GRAMD1C: variants seen among roughly 807,000 people sequenced by gnomAD.
GRAMD1C encodes GRAM domain containing 1C.
A neutral mutation model predicts 97.8 loss-of-function variants in GRAMD1C; 89 were observed. The ratio of observed to expected loss-of-function variants is 0.91; its 90% CI spans 0.77 to 1.09. The LOEUF (loss-of-function observed/expected upper bound fraction) is 1.09, where lower values mean the gene tolerates loss of function less well. GRAMD1C is among the 50% of genes least tolerant of loss of function. GRAMD1C has a pLI of 0.00. For missense variants in GRAMD1C, 740 were observed against 766.4 expected, an observed-to-expected ratio of 0.97 and a Z score of 0.41; for synonymous variants, 256 against 267.0, an observed-to-expected ratio of 0.96 and a Z score of 0.40.
chr3:113,892,349 GTA>G (rs1286699100), intron 6 of GRAMD1C, among the ~76,000 whole-genome samples: 1 of 151,984 alleles, frequency 6.6e-6, no homozygotes, highest in African/African-American at 2.4e-5. Flanking sequence ...GCAGGCACTT[GTA>G]GTCCCAGCTA....
intron 3 of GRAMD1C, among the ~76,000 whole-genome samples, chr3:113,871,014 CACACACACAG>C (rs200064849): frequency 0.27 from 34,140 of 127,930 alleles, 4,986 homozygotes; most frequent in Admixed American, 0.36. Context: ...CACACACACA[CACACACACAG>C]AGGAATATTA....
At chr3:113,829,666 C>G (rs931386935) in intron 1 of GRAMD1C, among the ~76,000 whole-genome samples, 9 of 152,080 alleles carry the variant, frequency 5.9e-5, no homozygotes, top group Non-Finnish European at 1.3e-4. Context: ...ATTTATTATT[C>G]TCTCTTGGCA....
intron 1 of GRAMD1C, among the ~76,000 whole-genome samples, chr3:113,839,910 G>A (rs1467358705): frequency 6.6e-6 from 1 of 152,158 alleles, no homozygotes; most frequent in East Asian, 1.9e-4. Context: ...AAGCCAGAAT[G>A]GACCCCCATC....
intron 14 of GRAMD1C, 36 bp from the exon 15 acceptor site, chr3:113,938,050 C>G: frequency 9.6e-7 from 1 of 1,040,512 alleles, no homozygotes; most frequent in Non-Finnish European, 1.4e-6. Context: ...AATCACAATT[C>G]TCATTCTAAT....
chr3:113,851,971 C>T (rs543744286), intron 2 of GRAMD1C, among the ~76,000 whole-genome samples: 19 of 151,912 alleles, frequency 1.3e-4, no homozygotes, highest in African/African-American at 3.9e-4. Flanking sequence ...TGGGCTCAAG[C>T]GATTCTCGTG....
rs1334318005 is a variant in GRAMD1C at position 113,945,620 on chromosome 3, G to A, written c.*142G>A. 1 of 566,934 alleles carries A rather than the reference G, an allele frequency of 1.8e-6. No individual in the cohort carries two copies. The highest frequency in any genetic ancestry group is 3.1e-6 in the Non-Finnish European group (1 of 317,576). 35.1% of individuals were successfully genotyped at this position (566,934 alleles called of 1,614,324 possible). ...ATTTCTAATATGAACATTTCTTTCA[G>A]TAACATTTATTTGATAATTAGTTTC... On this transcript the variant is annotated 3_prime_UTR_variant, in exon 18 of 18. Coordinates refer to ENST00000358160, the MANE Select transcript of GRAMD1C (RefSeq NM_017577.5).
chr3:113,889,154 C>T (rs556050093), intron 6 of GRAMD1C, among the ~76,000 whole-genome samples: 151 of 152,044 alleles, frequency 9.9e-4, no homozygotes, highest in African/African-American at 3.2e-3. Flanking sequence ...GAGCCGAAAT[C>T]GCGCTATTGC....
chr3:113,877,321 C>T (rs1467239047), intron 5 of GRAMD1C, among the ~76,000 whole-genome samples: 3 of 152,332 alleles, frequency 2.0e-5, no homozygotes, highest in South Asian at 2.1e-4. Context: ...TATAATTCAA[C>T]ATCGAAAAAT....
At chr3:113,906,205 C>G (rs1254718813) in intron 8 of GRAMD1C, among the ~76,000 whole-genome samples, 1 of 152,138 alleles carries the variant, frequency 6.6e-6, no homozygotes, top group Admixed American at 6.5e-5. Context: ...TTAGAGTACA[C>G]TCTTTCTACT....
chr3:113,889,299 T>C (rs1043395429), intron 6 of GRAMD1C, among the ~76,000 whole-genome samples: 2 of 152,178 alleles, frequency 1.3e-5, no homozygotes, highest in Non-Finnish European at 2.9e-5. Context: ...GAAAACATAA[T>C]GCTAAGTGAA....
Position 113,838,896 on chromosome 3 carries a change from C to G in GRAMD1C, c.-14C>G. On this transcript the variant is annotated 5_prime_UTR_variant, in exon 1 of 18. Coordinates refer to ENST00000358160, the MANE Select transcript of GRAMD1C (RefSeq NM_017577.5). ...TGCGCGCGGGGCGGTGCCGCGGCGG[C>G]GGAGGGAGCCGCGATGGAGGGCGCT... 1 of 1,231,892 alleles carries G rather than the reference C, an allele frequency of 8.1e-7. No individual in the cohort carries two copies. Among genetic ancestry groups the G allele is most frequent in the East Asian group, 3.2e-5 (1 of 31,518 alleles). The allele number at this position is 1,231,892 out of a possible 1,614,324, so 76.3% of individuals were successfully genotyped here. A position where few individuals can be genotyped will look rare whatever the true frequency, so the allele number is the denominator to read the frequency against.
chr3:113,866,807 A>G (rs1235642412), intron 2 of GRAMD1C, among the ~76,000 whole-genome samples: 2 of 151,380 alleles, frequency 1.3e-5, no homozygotes, highest in Non-Finnish European at 2.9e-5. Context: ...ATACAGTGTT[A>G]TGATTACTGC....
chr3:113,879,154 G>C (rs1210986263), intron 5 of GRAMD1C, among the ~76,000 whole-genome samples: 3 of 151,662 alleles, frequency 2.0e-5, no homozygotes, highest in Non-Finnish European at 4.4e-5. Flanking sequence ...GCAGTGAGTC[G>C]AGACCGCGCC....
At chr3:113,880,342 T>TATATGTATAC (rs1344957069) in intron 5 of GRAMD1C, among the ~76,000 whole-genome samples, 1 of 152,180 alleles carries the variant, frequency 6.6e-6, no homozygotes, top group Admixed American at 6.5e-5. Flanking sequence ...CAGGCATGCA[T>TATATGTATAC]ATATAAATGT....
chr3:113,840,320 G>A (rs1331967347), intron 1 of GRAMD1C, among the ~76,000 whole-genome samples: 1 of 152,090 alleles, frequency 6.6e-6, no homozygotes, highest in East Asian at 1.9e-4. Flanking sequence ...GAGCAAGGCA[G>A]GCCTCTCAAG....
At chr3:113,939,819 A>G (rs1348677248) in intron 15 of GRAMD1C, 67 bp from the exon 16 acceptor site, 1 of 808,520 alleles carries the variant, frequency 1.2e-6, no homozygotes, top group Non-Finnish European at 2.2e-6. Flanking sequence ...TTTTGCATGT[A>G]TATTCTGCAT....
In GRAMD1C at chr3:113,945,721, ATATAT is replaced by A. The variant is rs1380601833; in HGVS notation, c.*248_*252del. The A allele has an allele frequency of 9.2e-6, 4 of 436,072 alleles. No individual in the cohort carries two copies. Among genetic ancestry groups the A allele is most frequent in the African/African-American group, 8.2e-5 (4 of 48,600 alleles). The allele number at this position is 436,072 out of a possible 1,614,324, so 27.0% of individuals were successfully genotyped here. On this transcript the variant is annotated 3_prime_UTR_variant, in exon 18 of 18. Coordinates refer to ENST00000358160, the MANE Select transcript of GRAMD1C (RefSeq NM_017577.5). ...GTGAATTTCTTCAGTGAACCATGAA[ATATAT>A]TATAGAACTGAATTTCTCTGATACA...
intron 1 of GRAMD1C, among the ~76,000 whole-genome samples, chr3:113,842,501 G>A (rs1933374918): frequency 1.3e-5 from 2 of 151,996 alleles, no homozygotes; most frequent in Non-Finnish European, 2.9e-5. Flanking sequence ...TTCTATCCAG[G>A]TTTGTTGGTT....
chr3:113,832,098 G>A (rs1709566743), intron 1 of GRAMD1C, among the ~76,000 whole-genome samples: 1 of 151,814 alleles, frequency 6.6e-6, no homozygotes, highest in Non-Finnish European at 1.5e-5. Context: ...GTGCAGTGGT[G>A]TGATCTCGAT....
Sources: gnomAD v4.1 joint callset for allele counts (sites outside exome capture counted in the v4.1 genomes callset) on GRCh38, gnomAD v4.1.1 for gene constraint, MANE v1.5 for transcripts, NCBI Gene and HGNC (gene_info 2026-07-23, HGNC 2026-07-21) for gene names.